The following RLF variants were observed in gnomAD, a reference collection of about 807,000 sequenced individuals.
RLF encodes zinc finger protein Rlf.
A neutral mutation model predicts 162.9 loss-of-function variants in RLF; 7 were observed. The observed-to-expected ratio is 0.04, with a 90% CI of 0.02 to 0.08. The LOEUF (loss-of-function observed/expected upper bound fraction) is 0.08. RLF is among the 10% of genes least tolerant of loss of function. The pLI, the probability that RLF is intolerant of heterozygous loss-of-function variation, is 1.00. For synonymous variants in RLF, 782 were observed against 791.5 expected, an observed-to-expected ratio of 0.99 and a Z score of 0.20; for missense variants, 1,664 against 2,244.7, an observed-to-expected ratio of 0.74 and a Z score of 5.23.
chr1:40,207,124 T>C (rs917259100), intron 5 of RLF, among the ~76,000 whole-genome samples: 12 of 152,198 alleles, frequency 7.9e-5, no homozygotes, highest in Admixed American at 2.6e-4. Flanking sequence ...GATTGTAAAC[T>C]CCGGAAGGAC....
At chr1:40,220,229 AAAAAG>A (rs1642974613) in intron 5 of RLF, among the ~76,000 whole-genome samples, 1 of 152,224 alleles carries the variant, frequency 6.6e-6, no homozygotes, top group South Asian at 2.1e-4. Context: ...CTCTGTCTCA[AAAAAG>A]AAAAGAAAAA....
chr1:40,193,733 G>T (rs996921293), intron 3 of RLF, among the ~76,000 whole-genome samples: 2 of 152,004 alleles, frequency 1.3e-5, no homozygotes, highest in Non-Finnish European at 2.9e-5. Flanking sequence ...TCCTTTCTCA[G>T]TGGAAAATAA....
Position 40,172,506 on chromosome 1 carries a change from C to T in RLF, c.237+10870C>T, listed in dbSNP as rs563829908. ...TGGAATTGAAATTATAGGATTAGGC[C>T]GGGTGCGGCGGCTCACACCTGTAAT... On this transcript the variant is annotated intron_variant, in intron 1 of 7. Transcript: ENST00000372771. 4.2e-3 allele frequency among the ~76,000 whole-genome samples: 638 copies of T among 152,204 alleles called. 6 individuals are homozygous for T. Among genetic ancestry groups the T allele is most frequent in the African/African-American group, 0.015 (618 of 41,514 alleles).
At chr1:40,182,255 A>AAC (rs1286098820) in intron 1 of RLF, among the ~76,000 whole-genome samples, 1 of 152,074 alleles carries the variant, frequency 6.6e-6, no homozygotes, top group Non-Finnish European at 1.5e-5. Flanking sequence ...AACATGGTGA[A>AAC]ACCCCCGTCT....
chr1:40,166,555 G>A (rs1295789342), intron 1 of RLF, among the ~76,000 whole-genome samples: 1 of 151,962 alleles, frequency 6.6e-6, no homozygotes, highest in Non-Finnish European at 1.5e-5. Context: ...ACAGGCACAC[G>A]TATGTTTATT....
chr1:40,211,888 A>G (rs770368563), intron 5 of RLF, among the ~76,000 whole-genome samples: 18 of 152,188 alleles, frequency 1.2e-4, no homozygotes, highest in Admixed American at 5.9e-4. Context: ...TCGGCCTCCC[A>G]AAGTGCTGGG....
chr1:40,203,787 G>T (rs991766787), intron 5 of RLF, among the ~76,000 whole-genome samples: 4 of 151,980 alleles, frequency 2.6e-5, no homozygotes, highest in African/African-American at 9.7e-5. Context: ...TAGTCCCAAG[G>T]ATCTGGTTTT....
At position 40,179,591 on chromosome 1, in the gene RLF, C is replaced by T. The variant is rs201729721; in HGVS notation, c.238-9464C>T. 5.4e-5 allele frequency among the ~76,000 whole-genome samples: 8 copies of T among 149,460 alleles called. No homozygotes were observed. The East Asian group carries it at 1.4e-3, about 26-fold the overall frequency. ...TTTTATTGTGGTAAAGTATACGTAA[C>T]ATAGAATTTGCCATCTTAACCATTT... is the stretch of plus-strand genomic sequence containing the variant. On this transcript the variant is annotated intron_variant, in intron 1 of 7. Coordinates refer to ENST00000372771, the MANE Select transcript of RLF (RefSeq NM_012421.4).
intron 3 of RLF, among the ~76,000 whole-genome samples, chr1:40,192,488 G>A (rs1439215801): frequency 6.6e-6 from 1 of 152,096 alleles, no homozygotes; most frequent in Non-Finnish European, 1.5e-5. Context: ...GAACATTTTG[G>A]ATTTCAGATT....
Position 40,238,572 on chromosome 1 carries a change from C to A in RLF, c.3870C>A (p.Ser1290Arg), listed in dbSNP as rs758098355. The change falls in exon 8 of 8, where the codon AGC becomes AGA. Residue 1290 changes from serine (S) to arginine (R), a missense_variant. By Grantham distance (110) the Ser-to-Arg change is moderately radical (BLOSUM62 -1). Coordinates refer to ENST00000372771, the MANE Select transcript of RLF (RefSeq NM_012421.4). The surrounding 1 kb of genome is among the most constrained non-coding windows in gnomAD (Gnocchi z 5.2). ...EEQEGREGRGSRRTVAKGNLC... is the reference protein window; with the variant it reads ...EEQEGREGRGRRRTVAKGNLC... ...AAGAAGGAAGAGAGGGCAGAGGTAG[C>A]AGGCGAACTGTTGCTAAAGGAAATC... The A allele has an allele frequency of 6.2e-6, 10 of 1,613,756 alleles. No individual in the cohort carries two copies. The highest frequency in any genetic ancestry group is 8.5e-6 in the Non-Finnish European group (10 of 1,179,994).
At chr1:40,181,393 G>A (rs553639871) in intron 1 of RLF, among the ~76,000 whole-genome samples, 3 of 152,256 alleles carry the variant, frequency 2.0e-5, no homozygotes, top group East Asian at 1.9e-4. Flanking sequence ...TGGCACCACC[G>A]CACTCCAGCC....
At chr1:40,169,818 A>G (rs1458275946) in intron 1 of RLF, among the ~76,000 whole-genome samples, 1 of 149,446 alleles carries the variant, frequency 6.7e-6, no homozygotes, top group African/African-American at 2.5e-5. Flanking sequence ...TCAGCCTCCC[A>G]AGTAGCTGGG....
At chr1:40,229,605 C>T (rs1239731337) in intron 6 of RLF, among the ~76,000 whole-genome samples, 2 of 151,642 alleles carry the variant, frequency 1.3e-5, no homozygotes, top group African/African-American at 2.4e-5. Flanking sequence ...CAGGCATGCA[C>T]CACCACACCC....
At chr1:40,230,205 T>G (rs964172485) in intron 6 of RLF, among the ~76,000 whole-genome samples, 1 of 152,196 alleles carries the variant, frequency 6.6e-6, no homozygotes, top group Non-Finnish European at 1.5e-5. Context: ...GTTAAATATA[T>G]TTACTTTAAA....
intron 5 of RLF, among the ~76,000 whole-genome samples, chr1:40,214,216 A>G (rs1451677076): frequency 6.6e-6 from 1 of 152,206 alleles, no homozygotes; most frequent in Non-Finnish European, 1.5e-5. Flanking sequence ...AATGAACAAG[A>G]CAAAAGGGAG....
intron 1 of RLF, among the ~76,000 whole-genome samples, chr1:40,174,836 C>T (rs1418970079): frequency 1.3e-5 from 2 of 152,152 alleles, no homozygotes; most frequent in Non-Finnish European, 2.9e-5. Flanking sequence ...TATGCTCACT[C>T]TCTTTATTTG....
At chr1:40,211,447 T>A (rs1642864018) in intron 5 of RLF, among the ~76,000 whole-genome samples, 1 of 152,348 alleles carries the variant, frequency 6.6e-6, no homozygotes, top group East Asian at 1.9e-4. Context: ...CTTGGTGATA[T>A]ATCATTCTGT....
At chr1:40,219,661 G>A (rs1420463048) in intron 5 of RLF, among the ~76,000 whole-genome samples, 1 of 152,130 alleles carries the variant, frequency 6.6e-6, no homozygotes, top group East Asian at 1.9e-4. Context: ...CAAGTTAATA[G>A]GTAATGAAAA....
chr1:40,161,488 C>T lies in RLF; in HGVS notation c.89C>T (p.Thr30Ile). 2 of 1,598,478 alleles carry T rather than the reference C, an allele frequency of 1.3e-6. No individual in the cohort carries two copies. Among genetic ancestry groups the T allele is most frequent in the Non-Finnish European group, 8.5e-7 (1 of 1,173,474 alleles). ...GCGGGAGCCGGAGATGGAGTCGAGACTGAGTCCATGGTTCGGGGTCATCGC... is the reference window on the plus strand; with the variant it reads ...GCGGGAGCCGGAGATGGAGTCGAGATTGAGTCCATGGTTCGGGGTCATCGC... The part of the protein sequence containing the change: ...AVAGAGDGVE[T>I]ESMVRGHRPV... The change falls in exon 1 of 8, where the codon ACT (threonine) becomes ATT (isoleucine). Residue 30 changes from threonine to isoleucine, a missense_variant. Physicochemically the swap from Thr to Ile is moderately conservative, Grantham distance 89. Coordinates refer to ENST00000372771, the MANE Select transcript of RLF (RefSeq NM_012421.4). The surrounding 1 kb of genome is among the most constrained non-coding windows in gnomAD (Gnocchi z 4.4).
Sources: gnomAD v4.1 joint callset for allele counts (sites outside exome capture counted in the v4.1 genomes callset) on GRCh38, gnomAD v4.1.1 for gene constraint, Gnocchi (gnomAD v3.1) non-coding constraint, MANE v1.5 for transcripts, NCBI Gene and HGNC (gene_info 2026-07-23, HGNC 2026-07-21) for gene names.